Variants in TRPS1 observed in about 807,000 individuals in gnomAD.
TRPS1 encodes zinc finger transcription factor Trps1.
TRPS1 carries 6 observed loss-of-function variants against 101.2 expected under a neutral mutation model. That is an observed-to-expected ratio of 0.06 (90% CI 0.03 to 0.12). The LOEUF (loss-of-function observed/expected upper bound fraction) is 0.12. Among genes scored for constraint, TRPS1 ranks in the 10% least tolerant of loss-of-function variants. The probability of loss-of-function intolerance (pLI) is 1.00; values close to 1 mark genes in which losing one functional copy is unlikely to be tolerated. For synonymous variants in TRPS1, 578 were observed against 589.8 expected, an observed-to-expected ratio of 0.98 and a Z score of 0.29; for missense variants, 1,363 against 1,567.0, an observed-to-expected ratio of 0.87 and a Z score of 2.20.
chr8:115,655,893 C>T (rs919006393), intron 1 of TRPS1, among the ~76,000 whole-genome samples: 2 of 152,048 alleles, frequency 1.3e-5, no homozygotes, highest in African/African-American at 4.8e-5. Context: ...TACACAACAC[C>T]GATGTGATTA....
At chr8:115,490,230 C>T (rs1586326296) in intron 5 of TRPS1, among the ~76,000 whole-genome samples, 1 of 152,064 alleles carries the variant, frequency 6.6e-6, no homozygotes, top group African/African-American at 2.4e-5. Context: ...TCATAAAATC[C>T]AGAAATGGTA....
At chr8:115,620,705 G>A (rs1316097575) in intron 2 of TRPS1, among the ~76,000 whole-genome samples, 1 of 152,176 alleles carries the variant, frequency 6.6e-6, no homozygotes, top group African/African-American at 2.4e-5. Context: ...GATGACAAAC[G>A]TTCCAGCTCT....
chr8:115,626,698 A>G (rs1818516342), intron 1 of TRPS1, among the ~76,000 whole-genome samples: 1 of 151,836 alleles, frequency 6.6e-6, no homozygotes, highest in South Asian at 2.1e-4. Flanking sequence ...GATCATTTCT[A>G]TTAACATATG....
Position 115,614,030 on chromosome 8 carries a change from T to C in TRPS1, c.966+5102A>G, listed in dbSNP as rs182347614. Among the ~76,000 whole-genome samples, 426 of 152,344 alleles carry C rather than the reference T, an allele frequency of 2.8e-3. 1 individual carries two copies. Among genetic ancestry groups the C allele is most frequent in the African/African-American group, 9.9e-3 (410 of 41,582 alleles). ...GGTCTAATGACTGTCAGAATCAGAC[T>C]CTACAAAGGAAATCAGAAAATGAAA... On this transcript the variant is annotated intron_variant, in intron 3 of 6. Transcript: ENST00000395715.
intron 5 of TRPS1, among the ~76,000 whole-genome samples, chr8:115,451,963 C>A (rs1426351458): frequency 6.6e-6 from 1 of 152,140 alleles, no homozygotes; most frequent in Non-Finnish European, 1.5e-5. Context: ...CCTACTCCCT[C>A]CCCAACCCCC....
At position 115,418,276 on chromosome 8, in the gene TRPS1, C is replaced by A; in HGVS notation, c.2823+54G>T. The A allele has an allele frequency of 6.2e-7, 1 of 1,613,660 alleles. No homozygotes were observed. Among genetic ancestry groups the A allele is most frequent in the African/African-American group, 1.3e-5 (1 of 75,012 alleles). Reference sequence around the variant, plus strand: ...GAATGGGACTTATCACACCACAGACCAGGCCAACACTGCTTTATAAAGCTT... The same window carrying A: ...GAATGGGACTTATCACACCACAGACAAGGCCAACACTGCTTTATAAAGCTT... On this transcript the variant is annotated intron_variant, in intron 6 of 6. Transcript: ENST00000395715. The surrounding 1 kb of genome is among the most constrained non-coding windows in gnomAD (Gnocchi z 4.3).
At chr8:115,541,890 G>C (rs1236651350) in intron 5 of TRPS1, among the ~76,000 whole-genome samples, 2 of 152,106 alleles carry the variant, frequency 1.3e-5, no homozygotes, top group Non-Finnish European at 2.9e-5. Context: ...CCCAAAATGA[G>C]TATCACTATA....
intron 5 of TRPS1, among the ~76,000 whole-genome samples, chr8:115,545,459 C>T (rs1405624233): frequency 1.3e-5 from 2 of 152,164 alleles, no homozygotes; most frequent in Non-Finnish European, 2.9e-5. Flanking sequence ...CATATCCCTT[C>T]TTCACTATGC....
At chr8:115,500,232 G>A (rs545590616) in intron 5 of TRPS1, among the ~76,000 whole-genome samples, 16 of 152,042 alleles carry the variant, frequency 1.1e-4, no homozygotes, top group Middle Eastern at 3.4e-3. Flanking sequence ...GTTTCACCAC[G>A]TTGGCCAGGC....
At chr8:115,645,471 A>G (rs1018901091) in intron 1 of TRPS1, among the ~76,000 whole-genome samples, 1 of 152,208 alleles carries the variant, frequency 6.6e-6, no homozygotes, top group African/African-American at 2.4e-5. Context: ...AGTGAGAACC[A>G]CAAAACATTA....
At chr8:115,436,922 TAAAAAATAAA>T (rs1006070621) in intron 5 of TRPS1, among the ~76,000 whole-genome samples, 1 of 137,012 alleles carries the variant, frequency 7.3e-6, no homozygotes, top group African/African-American at 2.5e-5. Context: ...AGTAAAGCAG[TAAAAAATAAA>T]AAAAAAGTCA....
intron 5 of TRPS1, among the ~76,000 whole-genome samples, chr8:115,541,376 G>A (rs1253278917): frequency 6.6e-6 from 1 of 152,038 alleles, no homozygotes; most frequent in Non-Finnish European, 1.5e-5. Flanking sequence ...CTTTCACCAC[G>A]AACGATAAAG....
chr8:115,512,525 G>GT (rs941567966), intron 5 of TRPS1, among the ~76,000 whole-genome samples: 15 of 150,082 alleles, frequency 1.0e-4, no homozygotes, highest in South Asian at 4.2e-4. Flanking sequence ...ATGCTTCATG[G>GT]TTTTTTTTTG....
chr8:115,636,783 G>A (rs917573185), intron 1 of TRPS1, among the ~76,000 whole-genome samples: 1 of 151,788 alleles, frequency 6.6e-6, no homozygotes, highest in African/African-American at 2.4e-5. Context: ...GTGGTGGCGG[G>A]TGCCTGTAAT....
intron 5 of TRPS1, among the ~76,000 whole-genome samples, chr8:115,426,032 A>C (rs1343648234): frequency 6.6e-6 from 1 of 152,158 alleles, no homozygotes; most frequent in Non-Finnish European, 1.5e-5. Context: ...ATTCCACGTG[A>C]AAGTCATTAT....
At chr8:115,660,369 T>G (rs1022630059) in intron 1 of TRPS1, among the ~76,000 whole-genome samples, 2 of 152,026 alleles carry the variant, frequency 1.3e-5, no homozygotes, top group Admixed American at 1.3e-4. Context: ...GTATTTTTAG[T>G]GTTTAAATAG....
Position 115,416,675 on chromosome 8 carries a change from T to TA in TRPS1, c.2824-1592dup, listed in dbSNP as rs540310815. Among the ~76,000 whole-genome samples the TA allele has an allele frequency of 2.0e-4, 31 of 151,784 alleles. No homozygotes were observed. The East Asian group carries it at 5.4e-3, about 27-fold the overall frequency. On this transcript the variant is annotated intron_variant, in intron 6 of 6. Transcript: ENST00000395715. The stretch of plus-strand genomic sequence containing the variant: ...ATGAAAGGGAGTACCTCTTGTATCT[T>TA]AAATAAGTACAACTATAAATCCTTT...
intron 5 of TRPS1, among the ~76,000 whole-genome samples, chr8:115,468,286 A>T (rs1814377340): frequency 6.6e-6 from 1 of 152,194 alleles, no homozygotes; most frequent in Non-Finnish European, 1.5e-5. Context: ...TAATTAAATG[A>T]TTTATTTACA....
At chr8:115,501,547 C>T (rs1207225692) in intron 5 of TRPS1, among the ~76,000 whole-genome samples, 1 of 152,150 alleles carries the variant, frequency 6.6e-6, no homozygotes, top group Non-Finnish European at 1.5e-5. Flanking sequence ...TTTTCACCAG[C>T]TGACAGTATT....
Sources: allele counts gnomAD v4.1 joint callset (sites outside exome capture counted in the v4.1 genomes callset), GRCh38; gene constraint gnomAD v4.1.1; non-coding constraint Gnocchi (gnomAD v3.1); transcripts MANE v1.5; gene names NCBI Gene and HGNC (gene_info 2026-07-23, HGNC 2026-07-21).